DRC9: variants seen among roughly 807,000 people sequenced by gnomAD.
DRC9 encodes the protein dynein regulatory complex protein 9.
chr3:197,928,341 C>CTTTTTTTTTT, the DRC9 span, among the ~76,000 whole-genome samples: 13 of 130,638 alleles, frequency 1.0e-4, no homozygotes, highest in Non-Finnish European at 6.4e-5. Context: ...TCTGTTCCCT[C>CTTTTTTTTTT]TTTTTTTTTT....
At chr3:197,908,205 C>A in the DRC9 span, among the ~76,000 whole-genome samples, 1 of 149,362 alleles carries the variant, frequency 6.7e-6, no homozygotes, top group East Asian at 2.0e-4. Flanking sequence ...AGGCACCCTC[C>A]CAGATGAAGT....
At chr3:197,913,834 G>C in the DRC9 span, 1 of 1,578,766 alleles carries the variant, frequency 6.3e-7, no homozygotes, top group Non-Finnish European at 8.7e-7. Flanking sequence ...AGGAGTGACA[G>C]CTCAATTGCC....
At chr3:197,893,999 GAA>G in the DRC9 span, among the ~76,000 whole-genome samples, 1 of 152,170 alleles carries the variant, frequency 6.6e-6, no homozygotes, top group East Asian at 1.9e-4. Flanking sequence ...AAAATAAAAT[GAA>G]AGAGATATAT....
chr3:197,892,003 C>T, the DRC9 span, among the ~76,000 whole-genome samples: 1 of 152,146 alleles, frequency 6.6e-6, no homozygotes, highest in African/African-American at 2.4e-5. Context: ...GATTCTTGTG[C>T]CTCAGCCTCC....
chr3:197,934,200 T>TTTTTTTTTTTTG, the DRC9 span, among the ~76,000 whole-genome samples: 2 of 146,876 alleles, frequency 1.4e-5, no homozygotes, highest in South Asian at 2.1e-4. Flanking sequence ...TTTTTTTTTT[T>TTTTTTTTTTTTG]GAGACAAGAG....
chr3:197,951,386 C>T, the DRC9 span: 14 of 1,513,702 alleles, frequency 9.2e-6, no homozygotes, highest in East Asian at 2.3e-5. Flanking sequence ...CGGAGTCTTG[C>T]TCTGTTGCCG....
the DRC9 span, among the ~76,000 whole-genome samples, chr3:197,905,348 T>TGC: frequency 6.6e-6 from 1 of 152,042 alleles, no homozygotes; most frequent in African/African-American, 2.4e-5. Flanking sequence ...ACTCCATAAG[T>TGC]ATATACACCT....
At chr3:197,950,600 CGT>C in the DRC9 span, 1 of 382,418 alleles carries the variant, frequency 2.6e-6, no homozygotes, top group East Asian at 5.1e-5. Flanking sequence ...AAAAGTCTTA[CGT>C]GTGTGTTTCT....
chr3:197,929,304 G>A, the DRC9 span, among the ~76,000 whole-genome samples: 1 of 152,120 alleles, frequency 6.6e-6, no homozygotes, highest in African/African-American at 2.4e-5. The surrounding 1 kb of genome is among the most constrained non-coding windows in gnomAD (Gnocchi z 4.6). Context: ...TAGATTCTTC[G>A]AGAATGCTGA....
the DRC9 span, among the ~76,000 whole-genome samples, chr3:197,898,017 G>A: frequency 1.3e-5 from 2 of 148,854 alleles, no homozygotes; most frequent in Admixed American, 6.8e-5. Context: ...TCCTGACCTC[G>A]TGATCCACCT....
At chr3:197,925,737 C>A in the DRC9 span, among the ~76,000 whole-genome samples, 1 of 152,094 alleles carries the variant, frequency 6.6e-6, no homozygotes, top group African/African-American at 2.4e-5. Context: ...GCACCTGCCA[C>A]CATACCCGGC....
At chr3:197,917,794 G>A in the DRC9 span, among the ~76,000 whole-genome samples, 4 of 151,110 alleles carry the variant, frequency 2.6e-5, no homozygotes, top group East Asian at 3.9e-4. Flanking sequence ...GCAGTGGTGC[G>A]ATCTTGGCTC....
At chr3:197,912,628 A>G in the DRC9 span, 1 of 1,273,384 alleles carries the variant, frequency 7.9e-7, no homozygotes, top group Admixed American at 1.7e-5. Flanking sequence ...CAGTATAAGC[A>G]GAGTACAAAA....
At chr3:197,912,708 T>C in the DRC9 span, 9 of 1,613,762 alleles carry the variant, frequency 5.6e-6, no homozygotes, top group East Asian at 6.7e-5. Context: ...TTTCAATCTC[T>C]GTATGAGTCC....
the DRC9 span, chr3:197,889,787 CTG>C: frequency 3.9e-6 from 6 of 1,551,872 alleles, no homozygotes; most frequent in Non-Finnish European, 3.5e-6. Context: ...CATAAAGGGA[CTG>C]TTGAATAAAG....
the DRC9 span, among the ~76,000 whole-genome samples, chr3:197,930,660 C>T: frequency 2.0e-5 from 3 of 151,052 alleles, no homozygotes; most frequent in African/African-American, 4.9e-5. Flanking sequence ...AGCCTGGGAC[C>T]CAGGATGAGG....
chr3:197,953,499 C>T, the DRC9 span: 10,828 of 456,284 alleles, frequency 0.024, 959 homozygotes, highest in African/African-American at 0.19. Context: ...TGGGATTAAC[C>T]CCTTGGTGTC....
At chr3:197,905,312 C>T in the DRC9 span, among the ~76,000 whole-genome samples, 1 of 152,200 alleles carries the variant, frequency 6.6e-6, no homozygotes, top group East Asian at 1.9e-4. Flanking sequence ...CCACGTGTCA[C>T]ACGCCTGTAT....
the DRC9 span, among the ~76,000 whole-genome samples, chr3:197,921,539 G>A: frequency 6.0e-5 from 9 of 151,068 alleles, no homozygotes; most frequent in South Asian, 8.4e-4. Context: ...CAGTAACTCC[G>A]GGGATTTAAC....
Sources: allele counts gnomAD v4.1 joint callset (sites outside exome capture counted in the v4.1 genomes callset), GRCh38; gene constraint gnomAD v4.1.1; non-coding constraint Gnocchi (gnomAD v3.1); transcripts MANE v1.5; gene names NCBI Gene and HGNC (gene_info 2026-07-23, HGNC 2026-07-21).